Variants in UNC13C observed in about 807,000 individuals in gnomAD.
UNC13C encodes unc-13 homolog C.
In UNC13C, 174 loss-of-function variants were observed where a neutral mutation model predicts 245.4. The observed-to-expected ratio is 0.71, with a 90% CI of 0.63 to 0.80. UNC13C has a LOEUF of 0.80. Ranked by LOEUF, UNC13C falls within the 30% of genes least tolerant of loss-of-function variation. UNC13C has a pLI of 0.00. For missense variants in UNC13C, 2,829 were observed against 2,602.9 expected, an observed-to-expected ratio of 1.09 and a Z score of -1.89; for synonymous variants, 992 against 895.1, an observed-to-expected ratio of 1.11 and a Z score of -1.93.
chr15:53,864,800 G>A, the UNC13C span, among the ~76,000 whole-genome samples: 8 of 152,130 alleles, frequency 5.3e-5, no homozygotes, highest in Admixed American at 5.2e-4. Flanking sequence ...CATATGACAG[G>A]CTTCAGAAGT....
At chr15:53,999,538 G>T (rs554626292) in intron 1 of UNC13C, among the ~76,000 whole-genome samples, 6 of 151,664 alleles carry the variant, frequency 4.0e-5, no homozygotes, top group African/African-American at 1.4e-4. Flanking sequence ...TTACCTATTT[G>T]TTAACTTCTG....
At chr15:54,476,307 G>C (rs1186735417) in intron 19 of UNC13C, among the ~76,000 whole-genome samples, 1 of 145,542 alleles carries the variant, frequency 6.9e-6, no homozygotes, top group Admixed American at 6.9e-5. Context: ...AAGCTCTTTA[G>C]TTTAATTAGA....
Position 54,626,943 on chromosome 15 carries a change from A to G in UNC13C, c.6475A>G (p.Ile2159Val), listed in dbSNP as rs201847330. Residue 2159 changes from isoleucine (I) to valine (V), a missense_variant, in exon 33 of 33, where the codon ATA becomes GTA. Coordinates refer to ENST00000260323, the MANE Select transcript of UNC13C (RefSeq NM_001080534.3). ...IGMTVIQLQN[I>V]AEKGSYGAWY... ...AATGACAGTCATTCAGCTACAGAAC[A>G]TAGCAGAAAAGGGAAGCTATGGGGC... 1.2e-5 allele frequency: 19 copies of G among 1,613,532 alleles called. No individual in the cohort carries two copies. The highest frequency in any genetic ancestry group is 6.7e-5 in the African/African-American group (5 of 75,022).
At chr15:54,597,404 T>C (rs573524692) in intron 30 of UNC13C, among the ~76,000 whole-genome samples, 47 of 152,270 alleles carry the variant, frequency 3.1e-4, no homozygotes, top group African/African-American at 1.0e-3. Flanking sequence ...GGTAGGAAGA[T>C]ATTCCACCGA....
chr15:54,008,702 A>G (rs1042666641), intron 1 of UNC13C, among the ~76,000 whole-genome samples: 4 of 152,194 alleles, frequency 2.6e-5, no homozygotes, highest in Non-Finnish European at 5.9e-5. Context: ...TACTTTAAAA[A>G]AATGAACTTC....
chr15:54,295,588 C>T (rs796203397), intron 11 of UNC13C, among the ~76,000 whole-genome samples: 84 of 151,748 alleles, frequency 5.5e-4, no homozygotes, highest in African/African-American at 1.8e-3. Flanking sequence ...GACACTGAGG[C>T]TGCAGTGGAC....
intron 19 of UNC13C, among the ~76,000 whole-genome samples, chr15:54,440,745 T>C (rs1567273665): frequency 6.6e-6 from 1 of 152,078 alleles, no homozygotes; most frequent in Non-Finnish European, 1.5e-5. Flanking sequence ...CTGTTTTCCA[T>C]AGTTGCTATA....
At chr15:54,135,584 A>C (rs1055085244) in intron 2 of UNC13C, among the ~76,000 whole-genome samples, 12 of 152,064 alleles carry the variant, frequency 7.9e-5, no homozygotes, top group Admixed American at 6.6e-4. Context: ...TATTCTTGGC[A>C]CCTTCATCAA....
At chr15:54,102,733 C>A (rs1900227259) in intron 2 of UNC13C, among the ~76,000 whole-genome samples, 1 of 152,106 alleles carries the variant, frequency 6.6e-6, no homozygotes. Context: ...GTCTTTCTTC[C>A]TCTGCGTCTC....
chr15:53,936,986 A>C, the UNC13C span, among the ~76,000 whole-genome samples: 1 of 152,170 alleles, frequency 6.6e-6, no homozygotes, highest in African/African-American at 2.4e-5. Flanking sequence ...CCTCCAAATG[A>C]CTGCAACACC....
intron 2 of UNC13C, among the ~76,000 whole-genome samples, chr15:54,047,225 C>G (rs1897077023): frequency 6.6e-6 from 1 of 151,990 alleles, no homozygotes; most frequent in Non-Finnish European, 1.5e-5. Context: ...CCTTCTTACC[C>G]ATTTTAGGTA....
intron 30 of UNC13C, among the ~76,000 whole-genome samples, chr15:54,574,298 T>G (rs900814844): frequency 6.6e-6 from 1 of 152,188 alleles, no homozygotes; most frequent in Non-Finnish European, 1.5e-5. Flanking sequence ...ATAGTTAGCT[T>G]GAAATATTAC....
chr15:53,879,823 G>A, the UNC13C span, among the ~76,000 whole-genome samples: 2 of 152,090 alleles, frequency 1.3e-5, no homozygotes, highest in Non-Finnish European at 2.9e-5. Context: ...CTGACCTCAC[G>A]ATCCACCTGC....
At chr15:53,849,895 A>G in the UNC13C span, among the ~76,000 whole-genome samples, 9 of 152,338 alleles carry the variant, frequency 5.9e-5, no homozygotes, top group Non-Finnish European at 1.2e-4. Flanking sequence ...GAGACAATGA[A>G]GAAGGTGGGC....
chr15:54,412,367 C>G (rs186589650), intron 18 of UNC13C, among the ~76,000 whole-genome samples: 66 of 152,182 alleles, frequency 4.3e-4, no homozygotes, highest in Non-Finnish European at 4.7e-4. Context: ...AGGAGAGAGG[C>G]AAGAGCACAG....
chr15:54,205,413 T>G (rs1371539147), intron 4 of UNC13C, among the ~76,000 whole-genome samples: 3 of 152,012 alleles, frequency 2.0e-5, no homozygotes, highest in Non-Finnish European at 2.9e-5. Flanking sequence ...ATTAAGCAAT[T>G]CTTCAACTAA....
At chr15:54,569,230 A>G (rs959610746) in intron 30 of UNC13C, among the ~76,000 whole-genome samples, 1 of 152,048 alleles carries the variant, frequency 6.6e-6, no homozygotes, top group Non-Finnish European at 1.5e-5. Flanking sequence ...ACTCATATAC[A>G]TATACAGACA....
chr15:53,872,830 T>C, the UNC13C span, among the ~76,000 whole-genome samples: 1 of 152,232 alleles, frequency 6.6e-6, no homozygotes, highest in African/African-American at 2.4e-5. Context: ...CTGGTTATAA[T>C]GAAATTGATG....
chr15:54,164,274 T>C (rs977819739), intron 4 of UNC13C, among the ~76,000 whole-genome samples: 1 of 152,234 alleles, frequency 6.6e-6, no homozygotes, highest in Admixed American at 6.5e-5. Flanking sequence ...CTAACTTGAA[T>C]ACACTTTAAA....
Sources: allele counts gnomAD v4.1 joint callset (sites outside exome capture counted in the v4.1 genomes callset), GRCh38; gene constraint gnomAD v4.1.1; transcripts MANE v1.5; gene names NCBI Gene and HGNC (gene_info 2026-07-23, HGNC 2026-07-21).